Variants in MND1 observed in about 807,000 individuals in gnomAD.
MND1 encodes meiotic nuclear divisions 1.
Under a neutral mutation model 35.1 loss-of-function variants are expected in MND1, and 28 were observed. The observed-to-expected ratio is 0.80, with a 90% confidence interval of 0.59 to 1.09. The LOEUF (loss-of-function observed/expected upper bound fraction) is 1.09, where lower values mean the gene tolerates loss of function less well. MND1 is among the 50% of genes least tolerant of loss of function. MND1 has a pLI of 0.00. For synonymous variants in MND1, 69 were observed against 70.5 expected, an observed-to-expected ratio of 0.98 and a Z score of 0.11; for missense variants, 213 against 239.6, an observed-to-expected ratio of 0.89 and a Z score of 0.73.
intron 1 of MND1, among the ~76,000 whole-genome samples, chr4:153,347,489 G>A (rs998121737): frequency 6.6e-6 from 1 of 152,150 alleles, no homozygotes; most frequent in African/African-American, 2.4e-5. Flanking sequence ...TAGATACATG[G>A]TCCTAAAATT....
chr4:153,405,944 C>T (rs972663664), intron 6 of MND1, among the ~76,000 whole-genome samples: 7 of 152,004 alleles, frequency 4.6e-5, no homozygotes, highest in African/African-American at 1.7e-4. Context: ...CCTGGGACTA[C>T]AGGCGCCCAC....
rs114328142 is a variant in MND1, at chr4:153,373,904, A to G, written c.276+15282A>G. ...TCACTGGATGTTGAGAAGTCATGAG[A>G]GTATCACCCTGTGCCCCTCAGCCAT... On this transcript the variant is annotated intron_variant, in intron 4 of 7. Coordinates refer to ENST00000240488, the MANE Select transcript of MND1 (RefSeq NM_032117.4). 7.5e-3 allele frequency among the ~76,000 whole-genome samples: 1,140 copies of G among 152,312 alleles called. 16 individuals are homozygous for G. Among genetic ancestry groups the G allele is most frequent in the African/African-American group, 0.027 (1,113 of 41,586 alleles).
chr4:153,360,979 A>G (rs1163158565), intron 4 of MND1, among the ~76,000 whole-genome samples: 3 of 152,138 alleles, frequency 2.0e-5, no homozygotes, highest in Admixed American at 6.5e-5. Flanking sequence ...AGCTGGGATT[A>G]TAGGCACACC....
intron 1 of MND1, among the ~76,000 whole-genome samples, chr4:153,346,399 C>T (rs1236649571): frequency 6.6e-6 from 1 of 152,126 alleles, no homozygotes; most frequent in Non-Finnish European, 1.5e-5. Flanking sequence ...GCTTCATAGT[C>T]CTTGAGTCAG....
intron 6 of MND1, 26 bp from the exon 7 acceptor site, chr4:153,408,945 A>G (rs1579959454): frequency 1.1e-6 from 1 of 931,372 alleles, no homozygotes; most frequent in Non-Finnish European, 1.4e-6. Flanking sequence ...AATACATTTC[A>G]TTTTATATAT....
chr4:153,369,147 G>A (rs1417937545), intron 4 of MND1, among the ~76,000 whole-genome samples: 2 of 152,200 alleles, frequency 1.3e-5, no homozygotes, highest in Admixed American at 6.5e-5. Context: ...GTTCTATGAT[G>A]GCTTTTGGCC....
chr4:153,364,800 C>T (rs1773585027), intron 4 of MND1, among the ~76,000 whole-genome samples: 1 of 152,228 alleles, frequency 6.6e-6, no homozygotes, highest in Admixed American at 6.5e-5. Flanking sequence ...CAGCCTCAAA[C>T]TCCTGGGCAT....
intron 4 of MND1, among the ~76,000 whole-genome samples, chr4:153,368,493 G>T (rs1455421520): frequency 6.6e-6 from 1 of 152,162 alleles, no homozygotes; most frequent in Non-Finnish European, 1.5e-5. Context: ...TGGGAAGCAG[G>T]TCTGATAAAT....
intron 4 of MND1, chr4:153,381,881 A>G (rs10033142): frequency 0.064 from 9,538 of 150,128 alleles, 501 homozygotes; most frequent in African/African-American, 0.14. Context: ...CACTCCCAGG[A>G]GGTCACCATA....
chr4:153,368,941 C>A (rs2149639347), intron 4 of MND1, among the ~76,000 whole-genome samples: 1 of 152,328 alleles, frequency 6.6e-6, no homozygotes, highest in Middle Eastern at 3.4e-3. Flanking sequence ...TACTATCTCA[C>A]AGTTCTTGTG....
intron 4 of MND1, among the ~76,000 whole-genome samples, chr4:153,371,122 C>A (rs1466098026): frequency 6.6e-6 from 1 of 152,052 alleles, no homozygotes; most frequent in East Asian, 1.9e-4. Context: ...CAGCAAGTCT[C>A]AACGGTTGGC....
chr4:153,367,355 G>T (rs906812215), intron 4 of MND1, among the ~76,000 whole-genome samples: 1 of 152,038 alleles, frequency 6.6e-6, no homozygotes, highest in Non-Finnish European at 1.5e-5. Flanking sequence ...TCTACTTTCT[G>T]TCACTGTAGA....
chr4:153,408,377 A>G (rs918758575), intron 6 of MND1, among the ~76,000 whole-genome samples: 1 of 152,218 alleles, frequency 6.6e-6, no homozygotes, highest in Non-Finnish European at 1.5e-5. Flanking sequence ...ATTGTAAGTA[A>G]TAGTTAATGC....
chr4:153,393,195 C>A lies in MND1; in HGVS notation c.277-1067C>A, dbSNP rs1453963025. On this transcript the variant is annotated intron_variant, in intron 4 of 7. Transcript: ENST00000240488. ...CTAACATTTTTTTCTTCTTTGAGAA[C>A]ATAATATGTAACTATGCAATTCTTT... Among the ~76,000 whole-genome samples, 3 of 151,978 alleles carry A rather than the reference C, an allele frequency of 2.0e-5. No individual in the cohort carries two copies. The East Asian group carries it at 5.8e-4, about 29-fold the overall frequency.
chr4:153,410,662 TATC>T (rs1729656100), intron 7 of MND1, among the ~76,000 whole-genome samples: 1 of 152,164 alleles, frequency 6.6e-6, no homozygotes, highest in Non-Finnish European at 1.5e-5. Flanking sequence ...ATATTAAAAT[TATC>T]ATATAGAAAG....
chr4:153,390,923 G>GTGTGTGTA (rs1561073014), intron 4 of MND1, among the ~76,000 whole-genome samples: 13 of 130,996 alleles, frequency 9.9e-5, no homozygotes, highest in African/African-American at 4.4e-4. Flanking sequence ...GTGTATATGT[G>GTGTGTGTA]TGTGTGTGTG....
chr4:153,392,061 T>C (rs988998099), intron 4 of MND1, among the ~76,000 whole-genome samples: 5 of 152,078 alleles, frequency 3.3e-5, no homozygotes, highest in Admixed American at 6.6e-5. Flanking sequence ...AACTAGATCA[T>C]ATTGTGAACA....
chr4:153,351,045 G>T (rs1275844976), intron 2 of MND1, among the ~76,000 whole-genome samples: 1 of 151,860 alleles, frequency 6.6e-6, no homozygotes, highest in Non-Finnish European at 1.5e-5. Flanking sequence ...TCAGAACAGG[G>T]TGTCATATTA....
chr4:153,358,487 A>G lies in MND1; in HGVS notation c.141A>G (p.Val47=), dbSNP rs1773400237. The part of the protein sequence containing the change: ...PKEKGITAMS[V]KEVLQSLVDD... ...ATTGTCTCTTAGCTGCTATGTCAGT[A>G]AAAGAAGTCCTTCAAAGCTTAGTTG... The change falls in exon 4 of 8, where the codon GTA becomes GTG. Residue 47 remains valine, a synonymous_variant. Coordinates refer to ENST00000240488, the MANE Select transcript of MND1 (RefSeq NM_032117.4). 4 of 1,600,760 alleles carry G rather than the reference A, an allele frequency of 2.5e-6. No homozygotes were observed. In the East Asian group the frequency reaches 9.0e-5, roughly 36 times the overall value.
Sources: gnomAD v4.1 joint callset for allele counts (sites outside exome capture counted in the v4.1 genomes callset) on GRCh38, gnomAD v4.1.1 for gene constraint, MANE v1.5 for transcripts, NCBI Gene and HGNC (gene_info 2026-07-23, HGNC 2026-07-21) for gene names.